The following SHOC2 variants were observed in gnomAD, a reference collection of about 807,000 sequenced individuals.
SHOC2 encodes the protein SHOC2 leucine rich repeat scaffold protein, also known as leucine-rich repeat protein SHOC-2.
SHOC2 carries 4 observed loss-of-function variants against 50.2 expected under a neutral mutation model. That is an observed-to-expected ratio of 0.08 (90% CI 0.04 to 0.18). The LOEUF (loss-of-function observed/expected upper bound fraction) is 0.18. SHOC2 is among the 10% of genes least tolerant of loss of function. The pLI is 1.00. For missense variants in SHOC2, 388 were observed against 669.6 expected (o/e 0.58, Z 4.64); for synonymous variants, 218 against 244.5 (o/e 0.89, Z 1.01).
chr10:110,963,365 G>A (rs910932260), intron 1 of SHOC2, among the ~76,000 whole-genome samples: 18 of 152,020 alleles, frequency 1.2e-4, no homozygotes, highest in African/African-American at 3.9e-4. Flanking sequence ...ATTGGACATT[G>A]CCCTTTGTCA....
rs1160168322 is a variant in SHOC2, at chr10:111,012,791, CA to C, written c.*975del. 7.9e-5 allele frequency: 12 copies of C among 152,700 alleles called. No individual in the cohort carries two copies. The highest frequency in any genetic ancestry group is 2.2e-4 in the African/African-American group (9 of 41,556). The allele number at this position is 152,700 out of a possible 1,614,324, so 9.5% of individuals were successfully genotyped here. A position where few individuals can be genotyped will look rare whatever the true frequency, so the allele number is the denominator to read the frequency against. ...TTAAGGATTTCTTCCTATCCTTGTA[CA>C]ATGACATGAATGTCTTTCTTTGAAA... On this transcript the variant is annotated 3_prime_UTR_variant, in exon 9 of 9. Transcript: ENST00000369452.
At chr10:110,919,723 G>T (rs1295915016) in intron 1 of SHOC2, 66 bp downstream of exon 1, 4 of 397,136 alleles carry the variant, frequency 1.0e-5, no homozygotes, top group African/African-American at 8.2e-5. Flanking sequence ...CTTCCTGTCC[G>T]TCGGGCAGTC....
At chr10:110,927,313 C>A (rs76873478) in intron 1 of SHOC2, among the ~76,000 whole-genome samples, 3,257 of 152,218 alleles carry the variant, frequency 0.021, 125 homozygotes, top group African/African-American at 0.075. Flanking sequence ...AAATAAATTA[C>A]ATTTTATTTT....
intron 1 of SHOC2, among the ~76,000 whole-genome samples, chr10:110,955,114 A>ACATATT: frequency 6.6e-6 from 1 of 152,194 alleles, no homozygotes; most frequent in Non-Finnish European, 1.5e-5. Context: ...GCAGGAGAGT[A>ACATATT]ATATGAACTA....
intron 3 of SHOC2, among the ~76,000 whole-genome samples, chr10:110,994,060 A>G (rs1483698071): frequency 6.6e-6 from 1 of 152,184 alleles, no homozygotes; most frequent in East Asian, 1.9e-4. Flanking sequence ...TTTCTTCCAT[A>G]GGGAAAGCAG....
chr10:110,966,188 TAACTA>T lies in SHOC2; in HGVS notation c.703+1128_703+1132del, dbSNP rs1165156509. ...GGTATGACTTGTTACATTTAACTCT[TAACTA>T]GACAATCCAAATATTAATTAAATTT... On this transcript the variant is annotated intron_variant, in intron 2 of 8. Coordinates refer to ENST00000369452, the MANE Select transcript of SHOC2 (RefSeq NM_007373.4). Among the ~76,000 whole-genome samples the T allele has an allele frequency of 2.6e-5, 4 of 152,228 alleles. No homozygotes were observed. The East Asian group carries it at 7.7e-4, about 29-fold the overall frequency.
intron 1 of SHOC2, among the ~76,000 whole-genome samples, chr10:110,953,130 A>G (rs2134106465): frequency 6.6e-6 from 1 of 152,320 alleles, no homozygotes. Flanking sequence ...TAGATCCTTG[A>G]GGAATCGCCA....
At chr10:110,974,844 T>G (rs1283124676) in intron 2 of SHOC2, among the ~76,000 whole-genome samples, 2 of 152,180 alleles carry the variant, frequency 1.3e-5, no homozygotes, top group African/African-American at 4.8e-5. Context: ...TTCTTCACAT[T>G]ATCATAAGTC....
chr10:111,004,584 GT>G, intron 4 of SHOC2, 21 bp from the exon 5 acceptor site: 1 of 1,553,884 alleles, frequency 6.4e-7, no homozygotes, highest in Non-Finnish European at 8.9e-7. Flanking sequence ...TAATTCTTAT[GT>G]TTATTTCATT....
chr10:110,947,684 T>C (rs181978743), intron 1 of SHOC2, among the ~76,000 whole-genome samples: 4 of 149,858 alleles, frequency 2.7e-5, no homozygotes, highest in East Asian at 3.9e-4. Flanking sequence ...CAGACTATTA[T>C]AACTACAAGA....
chr10:110,948,443 T>C (rs1486891010), intron 1 of SHOC2, among the ~76,000 whole-genome samples: 2 of 152,200 alleles, frequency 1.3e-5, no homozygotes. Context: ...ATATACACTC[T>C]TTTTAAGTGC....
At chr10:110,967,436 G>A (rs1590806498) in intron 2 of SHOC2, among the ~76,000 whole-genome samples, 2 of 152,304 alleles carry the variant, frequency 1.3e-5, no homozygotes, top group South Asian at 4.1e-4. Flanking sequence ...CATTGCACAA[G>A]ATTGCGGGGG....
At chr10:111,000,934 T>G (rs1467979110) in intron 4 of SHOC2, among the ~76,000 whole-genome samples, 1 of 152,048 alleles carries the variant, frequency 6.6e-6, no homozygotes, top group Non-Finnish European at 1.5e-5. Context: ...AAAAGAAAGA[T>G]GATAAGTGAT....
rs1564705752 is a variant in SHOC2 at position 110,940,910 on chromosome 10, G to GGTTTTTTTTT, written c.-235+21253_-235+21254insGTTTTTTTTT. On this transcript the variant is annotated intron_variant, in intron 1 of 8. Transcript: ENST00000369452. ...GACAAAATAGTGGTATTTGTGGTGGGTTTTTTTTTTTTTTTTTTTTTTTTT... is the reference window on the plus strand; with the variant it reads ...GACAAAATAGTGGTATTTGTGGTGGGGTTTTTTTTTTTTTTTTTTTTTTTTTTTTTTTTTT... Among the ~76,000 whole-genome samples the GGTTTTTTTTT allele has an allele frequency of 2.2e-4, 26 of 119,482 alleles. 5 individuals are homozygous for GGTTTTTTTTT. The highest frequency in any genetic ancestry group is 7.0e-4 in the African/African-American group (22 of 31,442). The allele number at this position is 119,482 out of a possible 152,430, so 78.4% of individuals were successfully genotyped here.
At position 110,931,411 on chromosome 10, in the gene SHOC2, T is replaced by C. The variant is rs113657983; in HGVS notation, c.-235+11754T>C. ...TTTCTCATTCTTTGGACCAATCTTTTGGTCTTCTAACTTTGAAAGCTCCTT... is the reference window on the plus strand; with the variant it reads ...TTTCTCATTCTTTGGACCAATCTTTCGGTCTTCTAACTTTGAAAGCTCCTT... On this transcript the variant is annotated intron_variant, in intron 1 of 8. Coordinates refer to ENST00000369452, the MANE Select transcript of SHOC2 (RefSeq NM_007373.4). Among the ~76,000 whole-genome samples, 287 of 152,326 alleles carry C rather than the reference T, an allele frequency of 1.9e-3. 1 individual carries two copies. Among genetic ancestry groups the C allele is most frequent in the African/African-American group, 5.8e-3 (243 of 41,576 alleles).
chr10:110,942,960 C>T (rs543572288), intron 1 of SHOC2, among the ~76,000 whole-genome samples: 48 of 152,280 alleles, frequency 3.2e-4, no homozygotes, highest in African/African-American at 1.1e-3. Flanking sequence ...TGATGAGTCA[C>T]ATCTCTTGTT....
intron 1 of SHOC2, among the ~76,000 whole-genome samples, chr10:110,952,886 A>G (rs1590795746): frequency 6.6e-6 from 1 of 152,192 alleles, no homozygotes; most frequent in East Asian, 1.9e-4. Context: ...TGCAAAGGAC[A>G]TGAGCTCATT....
rs559658606 is a variant in SHOC2 at position 111,004,815 on chromosome 10, T to C, written c.1161+21T>C. ...TGAAGGTAAGCATATATTTGTTTAC[T>C]AGGGAAAGGAATTGCTTTAATTGGT... On this transcript the variant is annotated intron_variant, in intron 5 of 8. Transcript: ENST00000369452. 15 of 1,519,374 alleles carry C rather than the reference T, an allele frequency of 9.9e-6. No individual in the cohort carries two copies. The East Asian group carries it at 2.0e-4, about 21-fold the overall frequency. The allele number at this position is 1,519,374 out of a possible 1,614,324, so 94.1% of individuals were successfully genotyped here. A position where few individuals can be genotyped will look rare whatever the true frequency, so the allele number is the denominator to read the frequency against.
chr10:110,991,026 C>A (rs1395523719), intron 3 of SHOC2, among the ~76,000 whole-genome samples: 1 of 152,172 alleles, frequency 6.6e-6, no homozygotes, highest in Non-Finnish European at 1.5e-5. Flanking sequence ...ATCTGTGTAA[C>A]TTTGCCTGCT....
Sources: allele counts gnomAD v4.1 joint callset (sites outside exome capture counted in the v4.1 genomes callset), GRCh38; gene constraint gnomAD v4.1.1; transcripts MANE v1.5; gene names NCBI Gene and HGNC (gene_info 2026-07-23, HGNC 2026-07-21).